Variants in LRRC8E observed in about 807,000 individuals in gnomAD.
LRRC8E encodes the protein volume-regulated anion channel subunit LRRC8E.
A neutral mutation model predicts 6.1 loss-of-function variants in LRRC8E; 6 were observed. That is an observed-to-expected ratio of 0.98 (90% CI 0.54 to 1.93). The LOEUF is 1.93. Ranked by LOEUF, LRRC8E falls within the 30% of genes most tolerant of loss-of-function variation. The pLI, the probability that LRRC8E is intolerant of heterozygous loss-of-function variation, is 0.01. For synonymous variants in LRRC8E, 485 were observed against 472.8 expected, an observed-to-expected ratio of 1.03 and a Z score of -0.33; for missense variants, 1,028 against 1,031.4, an observed-to-expected ratio of 1.00 and a Z score of 0.04.
chr19:7,896,231 C>T (rs1381818843), intron 2 of LRRC8E, among the ~76,000 whole-genome samples: 1 of 151,218 alleles, frequency 6.6e-6, no homozygotes, highest in Non-Finnish European at 1.5e-5. Flanking sequence ...TGAGGCACTG[C>T]ACCTGACCCT....
At chr19:7,896,413 A>T (rs944053863) in intron 2 of LRRC8E, among the ~76,000 whole-genome samples, 1 of 150,034 alleles carries the variant, frequency 6.7e-6, no homozygotes, top group Non-Finnish European at 1.5e-5. Context: ...GTCCTTACTA[A>T]AGACACAAAT....
intron 2 of LRRC8E, among the ~76,000 whole-genome samples, chr19:7,898,313 C>T (rs1981712196): frequency 6.6e-6 from 1 of 151,974 alleles, no homozygotes; most frequent in Non-Finnish European, 1.5e-5. Flanking sequence ...GGGGGGTCTC[C>T]CACCTTCAGC....
intron 1 of LRRC8E, among the ~76,000 whole-genome samples, chr19:7,890,030 C>T (rs1223739797): frequency 6.6e-6 from 1 of 151,754 alleles, no homozygotes; most frequent in East Asian, 2.0e-4. Context: ...CAGGCGTGAT[C>T]CACTGTGTCC....
intron 1 of LRRC8E, among the ~76,000 whole-genome samples, chr19:7,890,071 G>A (rs996255959): frequency 1.3e-5 from 2 of 149,086 alleles, no homozygotes; most frequent in Admixed American, 1.3e-4. Flanking sequence ...AAAAAAAAAA[G>A]GTTGGGCCTT....
intron 2 of LRRC8E, among the ~76,000 whole-genome samples, chr19:7,896,938 G>C (rs1021119067): frequency 6.6e-6 from 1 of 152,096 alleles, no homozygotes; most frequent in African/African-American, 2.4e-5. Flanking sequence ...AATCTGGAAA[G>C]GACTGCAGTT....
intron 1 of LRRC8E, among the ~76,000 whole-genome samples, chr19:7,889,754 C>CTCTT (rs1555697472): frequency 2.5e-5 from 3 of 120,984 alleles, no homozygotes; most frequent in African/African-American, 8.2e-5. Flanking sequence ...CTCTCTCTCT[C>CTCTT]TTTTTTTTTT....
At chr19:7,892,276 A>C (rs185305415) in intron 1 of LRRC8E, among the ~76,000 whole-genome samples, 9 of 150,808 alleles carry the variant, frequency 6.0e-5, no homozygotes, top group Admixed American at 3.3e-4. Context: ...GTTTCGCCGC[A>C]TTAGCCAGGA....
rs1555698479 is a variant in LRRC8E, at chr19:7,899,370, T to C, written c.848T>C (p.Leu283Pro). 3 of 1,614,224 alleles carry C rather than the reference T, an allele frequency of 1.9e-6. No individual in the cohort carries two copies. Among genetic ancestry groups the C allele is most frequent in the South Asian group, 2.2e-5 (2 of 91,090 alleles). Residue 283 changes from leucine (L) to proline (P), a missense_variant, in exon 3 of 3, where the codon CTG becomes CCG. Physicochemically the swap from Leu to Pro is moderately conservative, Grantham distance 98. Transcript: ENST00000306708. ...GTCTATGTGGAGAAGATCAGTTTCCTGGTGGCCTGTAGGGTGGAGACGTCA... is the reference window on the plus strand; with the variant it reads ...GTCTATGTGGAGAAGATCAGTTTCCCGGTGGCCTGTAGGGTGGAGACGTCA... ...NLVYVEKISF[L>P]VACRVETSEV... is the part of the protein sequence containing the mutation.
Position 7,899,697 on chromosome 19 carries a change from G to A in LRRC8E, c.1175G>A (p.Arg392His), listed in dbSNP as rs779048784. ...TTCCTGTCCGAGGTCAGCGAAAGCC[G>A]TCTAAAGCAGCTCAATCTCAACCAC... The part of the protein sequence containing the change: ...AVFLSEVSES[R>H]LKQLNLNHEW... Residue 392 changes from arginine (R) to histidine (H), a missense_variant, in exon 3 of 3, where the codon CGT becomes CAT. Coordinates refer to ENST00000306708, the MANE Select transcript of LRRC8E (RefSeq NM_025061.6). 28 of 1,613,386 alleles carry A rather than the reference G, an allele frequency of 1.7e-5. No homozygotes were observed. The highest frequency in any genetic ancestry group is 2.2e-5 in the East Asian group (1 of 44,898).
chr19:7,895,764 G>T lies in LRRC8E; in HGVS notation c.138+23G>T, dbSNP rs781245195. ...CAGGTGAGGCCCTCCCCTGGCAAGG[G>T]GGTGTGACCAGAGGGGCGGGGCAGG... On this transcript the variant is annotated intron_variant, in intron 2 of 2. Transcript: ENST00000306708. This position sits in a 1 kb window ranked among gnomAD's most constrained non-coding sequence, Gnocchi z 4.7. 3 of 1,607,638 alleles carry T rather than the reference G, an allele frequency of 1.9e-6. No individual in the cohort carries two copies. In the South Asian group the frequency reaches 3.3e-5, roughly 18 times the overall value.
intron 1 of LRRC8E, among the ~76,000 whole-genome samples, chr19:7,890,173 C>G (rs547873142): frequency 6.6e-6 from 1 of 152,164 alleles, no homozygotes; most frequent in African/African-American, 2.4e-5. Flanking sequence ...TGTGGAGGGT[C>G]TCACTCTCCC....
At chr19:7,890,636 A>G (rs1012406100) in intron 1 of LRRC8E, among the ~76,000 whole-genome samples, 4 of 151,966 alleles carry the variant, frequency 2.6e-5, no homozygotes, top group Non-Finnish European at 5.9e-5. Flanking sequence ...AAAATTACAA[A>G]AAATTAGCCG....
At chr19:7,898,619 A>ACC in intron 2 of LRRC8E, 42 bp from the exon 3 acceptor site, 2 of 1,538,200 alleles carry the variant, frequency 1.3e-6, no homozygotes, top group Non-Finnish European at 1.8e-6. Flanking sequence ...TTGGCCTCCC[A>ACC]AAGTGCTAGG....
In LRRC8E at chr19:7,901,295, A is replaced by C; in HGVS notation, c.*382A>C. ...GACACATCCCAGTGGGATTTCCAAC[A>C]CTCCCCCTCCCCATGCAACAAAGCA... On this transcript the variant is annotated 3_prime_UTR_variant, in exon 3 of 3. Coordinates refer to ENST00000306708, the MANE Select transcript of LRRC8E (RefSeq NM_025061.6). 1.2e-5 allele frequency: 2 copies of C among 168,868 alleles called. No individual in the cohort carries two copies. The highest frequency in any genetic ancestry group is 2.5e-5 in the Non-Finnish European group (2 of 79,756). 10.5% of individuals were successfully genotyped at this position (168,868 alleles called of 1,614,324 possible). A position where few individuals can be genotyped will look rare whatever the true frequency, so the allele number is the denominator to read the frequency against.
At position 7,900,651 on chromosome 19, in the gene LRRC8E, C is replaced by A. The variant is rs1256703123; in HGVS notation, c.2129C>A (p.Ala710Asp). 5 of 1,613,428 alleles carry A rather than the reference C, an allele frequency of 3.1e-6. No individual in the cohort carries two copies. In the East Asian group the frequency reaches 1.1e-4, roughly 36 times the overall value. Reference sequence around the variant, plus strand: ...CAGCACCTGGCCCTCTCCTACAATGCCCTGGAGGCCCTGCCCGAAGAGCTC... The same window carrying A: ...CAGCACCTGGCCCTCTCCTACAATGACCTGGAGGCCCTGCCCGAAGAGCTC... ...NLQHLALSYN[A>D]LEALPEELFF... Residue 710 changes from alanine (A) to aspartate (D), a missense_variant, in exon 3 of 3, where the codon GCC (alanine) becomes GAC (aspartate). By Grantham distance (126) the Ala-to-Asp change is moderately radical (BLOSUM62 -2). Coordinates refer to ENST00000306708, the MANE Select transcript of LRRC8E (RefSeq NM_025061.6). The surrounding 1 kb of genome is among the most constrained non-coding windows in gnomAD (Gnocchi z 5.0).
chr19:7,900,712 C>T lies in LRRC8E; in HGVS notation c.2190C>T (p.Gly730=), dbSNP rs937160148. The change falls in exon 3 of 3, where the codon GGC becomes GGT. Residue 730 remains glycine (G), a synonymous_variant. Transcript: ENST00000306708. This position sits in a 1 kb window ranked among gnomAD's most constrained non-coding sequence, Gnocchi z 5.0. ...FCRKLRTLLL[G]DNQLSQLSPH... is the part of the protein sequence containing the mutation. ...GCAAGCTGCGGACGTTGCTTCTGGG[C>T]GACAACCAGCTGAGCCAGCTCTCGC... 3 of 1,613,132 alleles carry T rather than the reference C, an allele frequency of 1.9e-6. No homozygotes were observed. Among genetic ancestry groups the T allele is most frequent in the African/African-American group, 2.7e-5 (2 of 74,952 alleles).
At chr19:7,897,462 G>GC in intron 2 of LRRC8E, among the ~76,000 whole-genome samples, 1 of 149,668 alleles carries the variant, frequency 6.7e-6, no homozygotes, top group Non-Finnish European at 1.5e-5. Context: ...ACAGGCATGA[G>GC]CCACTGCGCC....
chr19:7,899,396 G>A lies in LRRC8E; in HGVS notation c.874G>A (p.Glu292Lys). 6.2e-7 allele frequency: 1 copy of A among 1,614,222 alleles called. No individual in the cohort carries two copies. ...FLVACRVETS[E>K]VTGYASFCCN... ...GGTGGCCTGTAGGGTGGAGACGTCA[G>A]AGGTCACGGGCTACGCCAGCTTCTG... The change falls in exon 3 of 3, where the codon GAG (glutamate) becomes AAG (lysine). Residue 292 changes from glutamate (E) to lysine (K), a missense_variant. Coordinates refer to ENST00000306708, the MANE Select transcript of LRRC8E (RefSeq NM_025061.6).
chr19:7,890,711 C>T (rs1332648409), intron 1 of LRRC8E, among the ~76,000 whole-genome samples: 2 of 151,840 alleles, frequency 1.3e-5, no homozygotes, highest in Non-Finnish European at 1.5e-5. Context: ...ATGGTGTGAA[C>T]CCGGGAGGCG....
Sources: allele counts gnomAD v4.1 joint callset (sites outside exome capture counted in the v4.1 genomes callset), GRCh38; gene constraint gnomAD v4.1.1; non-coding constraint Gnocchi (gnomAD v3.1); transcripts MANE v1.5; gene names NCBI Gene and HGNC (gene_info 2026-07-23, HGNC 2026-07-21).